Variants in MYH14 observed in about 807,000 individuals in gnomAD.
MYH14 encodes myosin heavy chain 14.
MYH14 carries 123 observed loss-of-function variants against 255.5 expected under a neutral mutation model. The ratio of observed to expected loss-of-function variants is 0.48; its 90% confidence interval spans 0.42 to 0.56. MYH14 has a LOEUF of 0.56. MYH14 is among the 20% of genes least tolerant of loss of function. MYH14 has a pLI of 0.00. For synonymous variants in MYH14, 1,095 were observed against 1,161.2 expected (o/e 0.94, Z 1.16); for missense variants, 2,423 against 2,802.3 (o/e 0.86, Z 3.06).
chr19:50,208,450 AC>A (rs2031960041), intron 1 of MYH14, among the ~76,000 whole-genome samples: 4 of 151,740 alleles, frequency 2.6e-5, no homozygotes, highest in South Asian at 2.1e-4. Context: ...AAACAAACAA[AC>A]AAACAAAAAA....
At position 50,276,398 on chromosome 19, in the gene MYH14, C is replaced by T. The variant is rs2035509969; in HGVS notation, c.3680+195C>T. Among the ~76,000 whole-genome samples, 1 of 152,160 alleles carries T rather than the reference C, an allele frequency of 6.6e-6. No homozygotes were observed. The highest frequency in any genetic ancestry group is 2.1e-4 in the South Asian group (1 of 4,834). The stretch of plus-strand genomic sequence containing the variant: ...CCCAGGTGTTACCCTTGGGAACTTC[C>T]AGTCTCAGGGGAGGCAGATTCAGGC... On this transcript the variant is annotated intron_variant, in intron 28 of 42. Transcript: ENST00000642316. The surrounding 1 kb of genome is among the most constrained non-coding windows in gnomAD (Gnocchi z 4.3).
rs1278152688 is a variant in MYH14 at position 50,266,487 on chromosome 19, A to G, written c.2695-390A>G. Among the ~76,000 whole-genome samples, 18 of 151,784 alleles carry G rather than the reference A, an allele frequency of 1.2e-4. No homozygotes were observed. The highest frequency in any genetic ancestry group is 1.2e-3 in the Admixed American group (18 of 15,232). On this transcript the variant is annotated intron_variant, in intron 22 of 42. Transcript: ENST00000642316. This position sits in a 1 kb window ranked among gnomAD's most constrained non-coding sequence, Gnocchi z 4.1. ...GGCAGGAGAATCGCTTGAACCTGGGAGGCAGAGGTTGCAGTGAGCCGAGAT... is the reference window on the plus strand; with the variant it reads ...GGCAGGAGAATCGCTTGAACCTGGGGGGCAGAGGTTGCAGTGAGCCGAGAT...
At chr19:50,309,587 T>G in intron 42 of MYH14, 53 bp from the exon 43 acceptor site, 1 of 879,142 alleles carries the variant, frequency 1.1e-6, no homozygotes, top group Non-Finnish European at 1.7e-6. Context: ...CCCTTTCTCC[T>G]CCCCTCCCCT....
Position 50,271,537 on chromosome 19 carries a change from G to A in MYH14, c.3162G>A (p.Lys1054=), listed in dbSNP as rs1454929383. Residue 1054 remains lysine, a synonymous_variant, in exon 25 of 43, where the codon AAG becomes AAA. Coordinates refer to ENST00000642316, the MANE Select transcript of MYH14 (RefSeq NM_001145809.2). ...TGCTCCTGGAAGACCAGAATTCCAA[G>A]CTGAGCAAGGTTGGGGGCCTGAGGG... ...DLLLLEDQNS[K]LSKERKLLED... 3.1e-6 allele frequency: 5 copies of A among 1,605,376 alleles called. No homozygotes were observed. Among genetic ancestry groups the A allele is most frequent in the Non-Finnish European group, 4.3e-6 (5 of 1,176,090 alleles).
At chr19:50,211,220 C>G (rs79726923) in intron 2 of MYH14, among the ~76,000 whole-genome samples, 5,812 of 152,152 alleles carry the variant, frequency 0.038, 118 homozygotes, top group Middle Eastern at 0.054. Context: ...TTTAGTCTCA[C>G]CTTCTAGGAA....
intron 20 of MYH14, 109 bp downstream of exon 20, chr19:50,260,824 TGTGTGTGCATGCACGTGTGTGC>T: frequency 1.3e-6 from 1 of 794,524 alleles, no homozygotes; most frequent in Non-Finnish European, 2.1e-6. Context: ...TGTGTGCAAG[TGTGTGTGCATGCACGTGTGTGC>T]GTGTGTGTGT....
At chr19:50,224,013 C>A in intron 5 of MYH14, 141 bp from the exon 6 acceptor site, 1 of 753,258 alleles carries the variant, frequency 1.3e-6, no homozygotes, top group Non-Finnish European at 2.4e-6. Context: ...CCAGGCCACC[C>A]TACTCCACAT....
Position 50,250,371 on chromosome 19 carries a change from G to T in MYH14, c.1657-144G>T. 1.3e-6 allele frequency: 1 copy of T among 792,120 alleles called. No individual in the cohort carries two copies. The highest frequency in any genetic ancestry group is 2.1e-6 in the Non-Finnish European group (1 of 485,568). The allele number at this position is 792,120 out of a possible 1,614,324, so 49.1% of individuals were successfully genotyped here. A position where few individuals can be genotyped will look rare whatever the true frequency, so the allele number is the denominator to read the frequency against. On this transcript the variant is annotated intron_variant, in intron 14 of 42. Transcript: ENST00000642316. This position sits in a 1 kb window ranked among gnomAD's most constrained non-coding sequence, Gnocchi z 5.4. Reference sequence around the variant, plus strand: ...CCGCCTCGGCCTCCCAAAGTGCTGGGATTACAGGCGTGAGCCACCGTGCCT... The same window carrying T: ...CCGCCTCGGCCTCCCAAAGTGCTGGTATTACAGGCGTGAGCCACCGTGCCT...
intron 8 of MYH14, among the ~76,000 whole-genome samples, chr19:50,228,563 G>A (rs1431982483): frequency 6.6e-6 from 1 of 152,044 alleles, no homozygotes; most frequent in African/African-American, 2.4e-5. Context: ...CAGCAGCACC[G>A]CAGCCCCTGC....
Position 50,250,878 on chromosome 19 carries a change from G to T in MYH14, c.1830+190G>T, listed in dbSNP as rs1294214382. The stretch of plus-strand genomic sequence containing the variant: ...TGGGATCACCAAAAACTTCCTCAAA[G>T]AGGTGATATTTGCAGTGGGTTTTGA... On this transcript the variant is annotated intron_variant, in intron 15 of 42. Coordinates refer to ENST00000642316, the MANE Select transcript of MYH14 (RefSeq NM_001145809.2). The surrounding 1 kb of genome is among the most constrained non-coding windows in gnomAD (Gnocchi z 5.4). 6.6e-6 allele frequency among the ~76,000 whole-genome samples: 1 copy of T among 152,238 alleles called. No individual in the cohort carries two copies. The highest frequency in any genetic ancestry group is 2.4e-5 in the African/African-American group (1 of 41,452).
At chr19:50,242,489 G>C (rs1426446272) in intron 10 of MYH14, among the ~76,000 whole-genome samples, 1 of 152,082 alleles carries the variant, frequency 6.6e-6, no homozygotes, top group African/African-American at 2.4e-5. Flanking sequence ...CTCAGATCTC[G>C]TGAGACTTAT....
At chr19:50,226,123 G>A (rs1332116227) in intron 7 of MYH14, among the ~76,000 whole-genome samples, 1 of 39,022 alleles carries the variant, frequency 2.6e-5, no homozygotes, top group African/African-American at 8.0e-5. Context: ...GGAGGGGCTG[G>A]GGACCTGGAC....
rs193026753 is a variant in MYH14, at chr19:50,244,416, C to T, written c.1210+79C>T. 112 of 1,062,430 alleles carry T rather than the reference C, an allele frequency of 1.1e-4. No homozygotes were observed. In the African/African-American group the frequency reaches 1.1e-3, roughly 11 times the overall value. The allele number at this position is 1,062,430 out of a possible 1,614,324, so 65.8% of individuals were successfully genotyped here. Reference sequence around the variant, plus strand: ...CCAGCCCTCCTGCACCCCTGTCCCACGTAGAGAGCATCCCCCTTCCAGCCA... The same window carrying T: ...CCAGCCCTCCTGCACCCCTGTCCCATGTAGAGAGCATCCCCCTTCCAGCCA... On this transcript the variant is annotated intron_variant, in intron 11 of 42. Coordinates refer to ENST00000642316, the MANE Select transcript of MYH14 (RefSeq NM_001145809.2).
At position 50,281,780 on chromosome 19, in the gene MYH14, G is replaced by A. The variant is rs775658164; in HGVS notation, c.4477G>A (p.Asp1493Asn). Residue 1493 changes from aspartate to asparagine, a missense_variant, in exon 33 of 43, where the codon GAC becomes AAC. Transcript: ENST00000642316. The part of the protein sequence containing the change: ...LQQELDDATM[D>N]LEQQRQLVST... ...GCAGGAGCTGGACGACGCCACCATG[G>A]ACCTGGAGCAGCAGCGGCAGCTTGT... 6 of 1,612,750 alleles carry A rather than the reference G, an allele frequency of 3.7e-6. No individual in the cohort carries two copies. Among genetic ancestry groups the A allele is most frequent in the Non-Finnish European group, 4.2e-6 (5 of 1,179,804 alleles).
chr19:50,208,178 G>A (rs2031929877), intron 1 of MYH14, among the ~76,000 whole-genome samples: 1 of 152,200 alleles, frequency 6.6e-6, no homozygotes, highest in Admixed American at 6.5e-5. Context: ...ACTTTGGGAG[G>A]CCCAGGCGGG....
intron 10 of MYH14, among the ~76,000 whole-genome samples, chr19:50,232,593 CAAAAAA>C (rs532232129): frequency 1.0e-3 from 64 of 63,712 alleles, no homozygotes; most frequent in African/African-American, 3.8e-3. Context: ...GACTCTGTCT[CAAAAAA>C]AAAAAAAAAA....
At position 50,210,732 on chromosome 19, in the gene MYH14, C is replaced by T; in HGVS notation, c.367C>T (p.His123Tyr). Residue 123 changes from histidine (H) to tyrosine (Y), a missense_variant, in exon 2 of 43, where the codon CAC (histidine) becomes TAC (tyrosine). By Grantham distance (83) the His-to-Tyr change is moderately conservative. Coordinates refer to ENST00000642316, the MANE Select transcript of MYH14 (RefSeq NM_001145809.2). ...LTCLNEASVL[H>Y]NLRERYYSGL... is the part of the protein sequence containing the mutation. ...CTGCCTCAACGAGGCCTCGGTCCTG[C>T]ACAACCTCCGGGAGCGGTACTACTC... 1.3e-6 allele frequency: 2 copies of T among 1,580,812 alleles called. No homozygotes were observed. The highest frequency in any genetic ancestry group is 1.4e-5 in the African/African-American group (1 of 73,928).
At chr19:50,265,554 C>A (rs984231819) in intron 22 of MYH14, among the ~76,000 whole-genome samples, 7 of 151,964 alleles carry the variant, frequency 4.6e-5, no homozygotes, top group Non-Finnish European at 8.8e-5. Context: ...GGCACGGAGG[C>A]GTATGCCTGT....
intron 30 of MYH14, among the ~76,000 whole-genome samples, chr19:50,278,804 GTC>G (rs2035604994): frequency 9.0e-6 from 1 of 111,286 alleles, no homozygotes; most frequent in Admixed American, 1.1e-4. Flanking sequence ...GAGAAACCCT[GTC>G]TCTACTAAAA....
Sources: gnomAD v4.1 joint callset for allele counts (sites outside exome capture counted in the v4.1 genomes callset) on GRCh38, gnomAD v4.1.1 for gene constraint, Gnocchi (gnomAD v3.1) non-coding constraint, MANE v1.5 for transcripts, NCBI Gene and HGNC (gene_info 2026-07-23, HGNC 2026-07-21) for gene names.